Variants in LSAMP observed in about 807,000 individuals in gnomAD.
LSAMP encodes limbic system-associated membrane protein.
A neutral mutation model predicts 38.6 loss-of-function variants in LSAMP; 7 were observed. The observed-to-expected ratio is 0.18, with a 90% CI of 0.10 to 0.34. LSAMP has a LOEUF of 0.34. LSAMP is among the 10% of genes least tolerant of loss of function. The pLI is 1.00. For synonymous variants in LSAMP, 154 were observed against 166.8 expected (o/e 0.92, Z 0.59); for missense variants, 313 against 420.0 (o/e 0.75, Z 2.23).
At chr3:116,141,535 A>G (rs1344282876) in intron 1 of LSAMP, among the ~76,000 whole-genome samples, 1 of 151,822 alleles carries the variant, frequency 6.6e-6, no homozygotes, top group Non-Finnish European at 1.5e-5. Flanking sequence ...AAGTTAAATT[A>G]CAGAATGTGG....
chr3:116,374,357 T>C (rs551439307), intron 1 of LSAMP, among the ~76,000 whole-genome samples: 1 of 152,024 alleles, frequency 6.6e-6, no homozygotes, highest in East Asian at 1.9e-4. Context: ...ATGAAACACT[T>C]TGAGAAAATT....
chr3:115,842,032 G>A (rs1163151186), intron 5 of LSAMP, 39 bp from the exon 6 acceptor site: 1 of 1,575,308 alleles, frequency 6.3e-7, no homozygotes, highest in Admixed American at 1.8e-5. Context: ...AGGATCACTG[G>A]TGAAGATTTT....
At chr3:116,089,962 A>G (rs1305009378) in intron 1 of LSAMP, among the ~76,000 whole-genome samples, 1 of 152,078 alleles carries the variant, frequency 6.6e-6, no homozygotes, top group Non-Finnish European at 1.5e-5. Flanking sequence ...GAGTAAAGGA[A>G]TAATGCAATT....
intron 1 of LSAMP, among the ~76,000 whole-genome samples, chr3:116,269,330 A>C (rs1384774039): frequency 1.3e-5 from 2 of 151,658 alleles, no homozygotes; most frequent in Admixed American, 6.6e-5. Context: ...GTTAAATAAA[A>C]TATGCAACAC....
At chr3:116,285,081 C>T (rs2047175483) in intron 1 of LSAMP, among the ~76,000 whole-genome samples, 1 of 152,150 alleles carries the variant, frequency 6.6e-6, no homozygotes, top group Non-Finnish European at 1.5e-5. Context: ...AAAGTCAAGA[C>T]TGAAATCGTT....
chr3:116,163,895 C>A (rs1463055176), intron 1 of LSAMP, among the ~76,000 whole-genome samples: 1 of 151,888 alleles, frequency 6.6e-6, no homozygotes, highest in Non-Finnish European at 1.5e-5. Context: ...CGAATAAGAT[C>A]ACACATATAT....
At chr3:116,124,366 A>G (rs1708958028) in intron 1 of LSAMP, among the ~76,000 whole-genome samples, 1 of 152,224 alleles carries the variant, frequency 6.6e-6, no homozygotes, top group African/African-American at 2.4e-5. Flanking sequence ...CTCCAGAATC[A>G]TACCACAGTA....
intron 2 of LSAMP, among the ~76,000 whole-genome samples, chr3:116,076,537 A>G (rs1707748043): frequency 1.3e-5 from 2 of 152,128 alleles, no homozygotes; most frequent in African/African-American, 4.8e-5. Context: ...GATTACAGGC[A>G]TGAGCCACCA....
Position 116,289,269 on chromosome 3 carries a change from A to G in LSAMP, c.155+155608T>C, listed in dbSNP as rs572574282. On this transcript the variant is annotated intron_variant, in intron 1 of 6. Transcript: ENST00000490035. Reference sequence around the variant, plus strand: ...GACTTTCATTGTCAAACATTTGAAAACTGCTACACATTTTATTTTATTTTT... The same window carrying G: ...GACTTTCATTGTCAAACATTTGAAAGCTGCTACACATTTTATTTTATTTTT... Among the ~76,000 whole-genome samples, 3 of 152,330 alleles carry G rather than the reference A, an allele frequency of 2.0e-5. No homozygotes were observed. The South Asian group carries it at 6.2e-4, about 32-fold the overall frequency.
intron 3 of LSAMP, among the ~76,000 whole-genome samples, chr3:115,939,581 T>TTTCTTTCTTTCTTTCG (rs1221412986): frequency 3.2e-4 from 49 of 150,870 alleles, no homozygotes; most frequent in African/African-American, 1.1e-3. Flanking sequence ...TCTTTCTTTC[T>TTTCTTTCTTTCTTTCG]TTCTGTTAAG....
intron 1 of LSAMP, among the ~76,000 whole-genome samples, chr3:116,150,902 C>A (rs1001295652): frequency 6.5e-5 from 3 of 45,884 alleles, no homozygotes; most frequent in African/African-American, 1.6e-4. Flanking sequence ...ATAGAAATGT[C>A]ATTTCACTCT....
intron 3 of LSAMP, among the ~76,000 whole-genome samples, chr3:115,945,427 G>C (rs1938063069): frequency 6.6e-6 from 1 of 152,212 alleles, no homozygotes; most frequent in Non-Finnish European, 1.5e-5. Context: ...AGAGGGTTGT[G>C]ATACGAGTTT....
chr3:116,105,177 G>GAA (rs35932620), intron 1 of LSAMP, among the ~76,000 whole-genome samples: 6,981 of 143,784 alleles, frequency 0.049, 511 homozygotes, highest in African/African-American at 0.16. Context: ...TGACTAGGGG[G>GAA]AAAAAAAAAA....
Position 116,267,751 on chromosome 3 carries a change from A to G in LSAMP, c.155+177126T>C, listed in dbSNP as rs544668244. 5.9e-5 allele frequency among the ~76,000 whole-genome samples: 9 copies of G among 152,188 alleles called. No individual in the cohort carries two copies. The South Asian group carries it at 1.9e-3, about 32-fold the overall frequency. ...AAGGTACTCTCCGCCTGCAGCAGAG[A>G]CTGACAGTATTCTCCCCAATATTTC... is the stretch of plus-strand genomic sequence containing the variant. On this transcript the variant is annotated intron_variant, in intron 1 of 6. Coordinates refer to ENST00000490035, the MANE Select transcript of LSAMP (RefSeq NM_002338.5).
Position 116,415,888 on chromosome 3 carries a change from G to T in LSAMP, c.155+28989C>A, listed in dbSNP as rs192543314. Among the ~76,000 whole-genome samples, 24 of 152,196 alleles carry T rather than the reference G, an allele frequency of 1.6e-4. No individual in the cohort carries two copies. The East Asian group carries it at 4.4e-3, about 28-fold the overall frequency. On this transcript the variant is annotated intron_variant, in intron 1 of 6. Coordinates refer to ENST00000490035, the MANE Select transcript of LSAMP (RefSeq NM_002338.5). ...GCCAGCAGTGTAGTTAGGGATCGGG[G>T]TGAAAGAAGCTGGGCTAGTGAAAAT...
chr3:116,091,477 T>C (rs1559739188), intron 1 of LSAMP, among the ~76,000 whole-genome samples: 1 of 152,178 alleles, frequency 6.6e-6, no homozygotes, highest in Non-Finnish European at 1.5e-5. Flanking sequence ...GTGAGAAGTG[T>C]CCATGAACTC....
intron 1 of LSAMP, among the ~76,000 whole-genome samples, chr3:116,442,928 A>G (rs1265380104): frequency 6.6e-6 from 1 of 152,230 alleles, no homozygotes; most frequent in Non-Finnish European, 1.5e-5. Flanking sequence ...ATGAAAGCAT[A>G]AGAATGTTTT....
intron 1 of LSAMP, among the ~76,000 whole-genome samples, chr3:116,436,944 T>C (rs745877551): frequency 1.3e-5 from 2 of 151,514 alleles, no homozygotes; most frequent in Non-Finnish European, 2.9e-5. Flanking sequence ...CCAACCCAAA[T>C]GCCCATTAAT....
At position 115,810,069 on chromosome 3, in the gene LSAMP, A is replaced by G; in HGVS notation, c.*248T>C. The G allele has an allele frequency of 2.2e-6, 1 of 446,238 alleles. No individual in the cohort carries two copies. The allele number at this position is 446,238 out of a possible 1,614,324, so 27.6% of individuals were successfully genotyped here. Reference sequence around the variant, plus strand: ...ATACATTTGCTTAGTAGATATAAACATATCCCAGTAGAACCTTCTCCATCC... The same window carrying G: ...ATACATTTGCTTAGTAGATATAAACGTATCCCAGTAGAACCTTCTCCATCC... On this transcript the variant is annotated 3_prime_UTR_variant, in exon 7 of 7. Transcript: ENST00000490035.
Sources: allele counts gnomAD v4.1 joint callset (sites outside exome capture counted in the v4.1 genomes callset), GRCh38; gene constraint gnomAD v4.1.1; transcripts MANE v1.5; gene names NCBI Gene and HGNC (gene_info 2026-07-23, HGNC 2026-07-21).